ZNF138: variants seen among roughly 807,000 people sequenced by gnomAD.
ZNF138 encodes the protein zinc finger protein 138 (clone pHZ-32).
ZNF138 carries 33 observed loss-of-function variants against 33.0 expected under a neutral mutation model. The observed-to-expected ratio is 1.00, with a 90% CI of 0.76 to 1.34. The LOEUF is 1.34. Among genes scored for constraint, ZNF138 ranks in the 40% most tolerant of loss-of-function variants. ZNF138 has a pLI of 0.00. For missense variants in ZNF138, 360 were observed against 370.8 expected, an observed-to-expected ratio of 0.97 and a Z score of 0.24; for synonymous variants, 139 against 120.4, an observed-to-expected ratio of 1.15 and a Z score of -1.01.
intron 1 of ZNF138, among the ~76,000 whole-genome samples, chr7:64,805,037 C>G (rs927492323): frequency 6.6e-6 from 1 of 152,140 alleles, no homozygotes; most frequent in Non-Finnish European, 1.5e-5. Context: ...CAGGAGAACT[C>G]TTGGAGCTAT....
intron 3 of ZNF138, among the ~76,000 whole-genome samples, chr7:64,818,619 G>A (rs957375182): frequency 5.3e-5 from 8 of 151,772 alleles, no homozygotes; most frequent in African/African-American, 1.5e-4. Context: ...GCATGGTGTC[G>A]CATGCCTGTA....
At position 64,799,022 on chromosome 7, in the gene ZNF138, C is replaced by T. The variant is rs140389821; in HGVS notation, c.3+4451C>T. On this transcript the variant is annotated intron_variant, in intron 1 of 3. Transcript: ENST00000307355. ...TTCTTTTTGCTTAGAATTGCCTTGGCTATTCAGGCTCTTTGTTGGTTTCAT... is the reference window on the plus strand; with the variant it reads ...TTCTTTTTGCTTAGAATTGCCTTGGTTATTCAGGCTCTTTGTTGGTTTCAT... 1.3e-3 allele frequency among the ~76,000 whole-genome samples: 192 copies of T among 151,416 alleles called. 1 individual carries two copies. Among genetic ancestry groups the T allele is most frequent in the African/African-American group, 4.0e-3 (166 of 41,208 alleles).
intron 3 of ZNF138, among the ~76,000 whole-genome samples, chr7:64,827,276 C>A (rs900029412): frequency 6.7e-6 from 1 of 149,094 alleles, no homozygotes; most frequent in African/African-American, 2.5e-5. Flanking sequence ...AAGACAGAGT[C>A]TCACTCTGTC....
intron 2 of ZNF138, 40 bp from the exon 3 acceptor site, chr7:64,815,536 C>T: frequency 6.3e-7 from 1 of 1,580,848 alleles, no homozygotes; most frequent in Non-Finnish European, 8.6e-7. Context: ...AGTCATGTTA[C>T]TTATTTTTAA....
chr7:64,841,778 G>GT, the ZNF138 span, among the ~76,000 whole-genome samples: 1 of 152,176 alleles, frequency 6.6e-6, no homozygotes, highest in African/African-American at 2.4e-5. Flanking sequence ...TGATGAGAAA[G>GT]TTGGTATTTT....
chr7:64,825,712 G>C (rs1013176965), intron 3 of ZNF138, among the ~76,000 whole-genome samples: 1 of 151,476 alleles, frequency 6.6e-6, no homozygotes, highest in African/African-American at 2.4e-5. Context: ...GCTAATTTTT[G>C]TATTTTCGGT....
the ZNF138 span, among the ~76,000 whole-genome samples, chr7:64,860,180 G>T: frequency 6.6e-6 from 1 of 152,162 alleles, no homozygotes; most frequent in African/African-American, 2.4e-5. Context: ...GTATGTATTT[G>T]TTGGGTACAC....
chr7:64,817,760 T>C (rs1048120546), intron 3 of ZNF138, among the ~76,000 whole-genome samples: 2 of 152,144 alleles, frequency 1.3e-5, no homozygotes, highest in African/African-American at 4.8e-5. Flanking sequence ...ATATACGTTT[T>C]TATTTTTTAT....
the ZNF138 span, among the ~76,000 whole-genome samples, chr7:64,848,399 C>G: frequency 1.3e-5 from 2 of 151,866 alleles, no homozygotes; most frequent in African/African-American, 4.8e-5. Context: ...ACCTTGTCTT[C>G]GAGCTCTGAA....
intron 1 of ZNF138, among the ~76,000 whole-genome samples, chr7:64,795,960 C>T (rs768181233): frequency 2.6e-5 from 4 of 152,128 alleles, no homozygotes; most frequent in Admixed American, 1.3e-4. Flanking sequence ...AGTGTAGCCT[C>T]TCAAGGGAGC....
chr7:64,826,887 C>G (rs1379502939), intron 3 of ZNF138, among the ~76,000 whole-genome samples: 2 of 149,990 alleles, frequency 1.3e-5, no homozygotes, highest in Non-Finnish European at 3.0e-5. Flanking sequence ...TGGCCTCAAG[C>G]AGTCCACCTG....
At chr7:64,811,801 A>G (rs142964279) in intron 1 of ZNF138, among the ~76,000 whole-genome samples, 222 of 152,344 alleles carry the variant, frequency 1.5e-3, no homozygotes, top group African/African-American at 5.0e-3. Context: ...AATGCTAATA[A>G]TGAGCCCAAG....
chr7:64,842,917 C>G, the ZNF138 span, among the ~76,000 whole-genome samples: 1 of 152,160 alleles, frequency 6.6e-6, no homozygotes. Flanking sequence ...ACAAAACAAT[C>G]TCTTGAACTT....
At chr7:64,826,085 C>G (rs1297336860) in intron 3 of ZNF138, among the ~76,000 whole-genome samples, 2 of 152,134 alleles carry the variant, frequency 1.3e-5, no homozygotes, top group African/African-American at 4.8e-5. Flanking sequence ...GAATAGCCCC[C>G]CTTGGCCTCC....
At chr7:64,802,836 A>T (rs531372933) in intron 1 of ZNF138, among the ~76,000 whole-genome samples, 161 of 152,234 alleles carry the variant, frequency 1.1e-3, no homozygotes, top group African/African-American at 3.7e-3. Flanking sequence ...GCTTATCTTT[A>T]CAGATACAGT....
intron 1 of ZNF138, among the ~76,000 whole-genome samples, chr7:64,797,752 AC>A (rs1413141609): frequency 1.3e-5 from 2 of 152,186 alleles, no homozygotes; most frequent in African/African-American, 4.8e-5. Context: ...GTAAAATAAA[AC>A]AAAATTAGGT....
chr7:64,810,345 G>T (rs1388764854), intron 1 of ZNF138, among the ~76,000 whole-genome samples: 1 of 136,936 alleles, frequency 7.3e-6, no homozygotes, highest in African/African-American at 2.7e-5. Flanking sequence ...CACTCGGCAG[G>T]CTGAGTCAGG....
chr7:64,817,883 C>A (rs1410549322), intron 3 of ZNF138, among the ~76,000 whole-genome samples: 2 of 151,794 alleles, frequency 1.3e-5, no homozygotes, highest in Non-Finnish European at 2.9e-5. Flanking sequence ...TCCATATTTA[C>A]TAAAATAGTT....
intron 1 of ZNF138, among the ~76,000 whole-genome samples, chr7:64,813,434 TGA>T (rs762686363): frequency 0.44 from 40,791 of 92,994 alleles, 6,722 homozygotes; most frequent in Middle Eastern, 0.55. Context: ...TGCATAAAAA[TGA>T]TTTTTTTTTT....
Sources: allele counts gnomAD v4.1 joint callset (sites outside exome capture counted in the v4.1 genomes callset), GRCh38; gene constraint gnomAD v4.1.1; transcripts MANE v1.5; gene names NCBI Gene and HGNC (gene_info 2026-07-23, HGNC 2026-07-21).